The following HCN3 variants were observed in gnomAD, a reference collection of about 807,000 sequenced individuals.
The protein encoded by HCN3 is hyperpolarization activated cyclic nucleotide gated potassium channel 3.
HCN3 carries 36 observed loss-of-function variants against 56.8 expected under a neutral mutation model. That is an observed-to-expected ratio of 0.63 (90% CI 0.49 to 0.84). The LOEUF (loss-of-function observed/expected upper bound fraction) is 0.84. Ranked by LOEUF, HCN3 falls within the 40% of genes least tolerant of loss-of-function variation. The pLI, the probability that HCN3 is intolerant of heterozygous loss-of-function variation, is 0.00. For synonymous variants in HCN3, 425 were observed against 439.7 expected (o/e 0.97, Z 0.42); for missense variants, 930 against 1,079.3 (o/e 0.86, Z 1.94).
intron 7 of HCN3, 147 bp downstream of exon 7, chr1:155,287,484 G>A (rs1255883641): frequency 1.0e-6 from 1 of 957,278 alleles, no homozygotes; most frequent in East Asian, 2.6e-5. Context: ...TTTCAACACT[G>A]TGGCCCACTG....
rs777916843 is a variant in HCN3 at position 155,284,048 on chromosome 1, A to G, written c.783A>G (p.Leu261=). 6.8e-6 allele frequency: 11 copies of G among 1,614,130 alleles called. No individual in the cohort carries two copies. Among genetic ancestry groups the G allele is most frequent in the South Asian group, 1.1e-5 (1 of 91,078 alleles). Reference sequence around the variant, plus strand: ...ACCTCATTGGGATGATGCTGCTGCTATGTCACTGGGATGGCTGTCTGCAGT... The same window carrying G: ...ACCTCATTGGGATGATGCTGCTGCTGTGTCACTGGGATGGCTGTCTGCAGT... ...IFNLIGMMLL[L]CHWDGCLQFL... Residue 261 remains leucine, a synonymous_variant, in exon 3 of 8, where the codon CTA becomes CTG. Transcript: ENST00000368358. The surrounding 1 kb of genome is among the most constrained non-coding windows in gnomAD (Gnocchi z 4.3).
At position 155,285,286 on chromosome 1, in the gene HCN3, G is replaced by A. The variant is rs1674234387; in HGVS notation, c.1211G>A (p.Gly404Asp). The change falls in exon 5 of 8, where the codon GGC (glycine) becomes GAC (aspartate). Residue 404 changes from glycine (G) to aspartate (D), a missense_variant. Gly to Asp is a moderately conservative substitution (Grantham distance 94). Transcript: ENST00000368358. The surrounding 1 kb of genome is among the most constrained non-coding windows in gnomAD (Gnocchi z 4.5). Reference sequence around the variant, plus strand: ...ATGTTCGATGAGGAAAGCATCCTGGGCGAGCTGAGCGAGCCGCTTCGCGAG... The same window carrying A: ...ATGTTCGATGAGGAAAGCATCCTGGACGAGCTGAGCGAGCCGCTTCGCGAG... The part of the protein sequence containing the change: ...GKMFDEESIL[G>D]ELSEPLREEI... 6.3e-7 allele frequency: 1 copy of A among 1,591,974 alleles called. No individual in the cohort carries two copies. The highest frequency in any genetic ancestry group is 8.5e-7 in the Non-Finnish European group (1 of 1,169,866).
intron 1 of HCN3, among the ~76,000 whole-genome samples, chr1:155,279,166 A>G (rs1328501672): frequency 6.6e-6 from 1 of 152,178 alleles, no homozygotes; most frequent in African/African-American, 2.4e-5. Context: ...TTGATTTTGC[A>G]GTCCGAGTCA....
At chr1:155,280,000 G>T (rs1363675223) in intron 1 of HCN3, among the ~76,000 whole-genome samples, 1 of 151,918 alleles carries the variant, frequency 6.6e-6, no homozygotes, top group African/African-American at 2.4e-5. Context: ...AGGCTGGAGT[G>T]CAATGGCACA....
Position 155,288,672 on chromosome 1 carries a change from G to A in HCN3, c.*209G>A, listed in dbSNP as rs918976458. ...TTGTCCCATCATAATCCATTCACCC[G>A]TTCATCATGTGTACTGAGCAGCTAC... On this transcript the variant is annotated 3_prime_UTR_variant, in exon 8 of 8. Transcript: ENST00000368358. This position sits in a 1 kb window ranked among gnomAD's most constrained non-coding sequence, Gnocchi z 6.5. 2.2e-5 allele frequency: 14 copies of A among 629,794 alleles called. No individual in the cohort carries two copies. Among genetic ancestry groups the A allele is most frequent in the African/African-American group, 7.3e-5 (4 of 54,532 alleles). The allele number at this position is 629,794 out of a possible 1,614,324, so 39.0% of individuals were successfully genotyped here.
At chr1:155,278,332 A>C in intron 1 of HCN3, 1 of 162,136 alleles carries the variant, frequency 6.2e-6, no homozygotes, top group East Asian at 1.8e-4. Flanking sequence ...ATGACAGACT[A>C]CCAGGAAAAA....
Position 155,282,945 on chromosome 1 carries a change from C to T in HCN3, c.708+105C>T, listed in dbSNP as rs954375269. 2.6e-6 allele frequency: 3 copies of T among 1,171,490 alleles called. No individual in the cohort carries two copies. Among genetic ancestry groups the T allele is most frequent in the South Asian group, 2.9e-5 (2 of 68,182 alleles). The allele number at this position is 1,171,490 out of a possible 1,614,324, so 72.6% of individuals were successfully genotyped here. A position where few individuals can be genotyped will look rare whatever the true frequency, so the allele number is the denominator to read the frequency against. On this transcript the variant is annotated intron_variant, in intron 2 of 7. Transcript: ENST00000368358. The surrounding 1 kb of genome is among the most constrained non-coding windows in gnomAD (Gnocchi z 4.7). ...CTAGGAAGATGCTATGGGTGGGGCT[C>T]CTGGTGACCTTATAGTGTGGGGAAG...
intron 6 of HCN3, 52 bp downstream of exon 6, chr1:155,286,016 G>T (rs762968215): frequency 3.3e-6 from 5 of 1,530,874 alleles, no homozygotes; most frequent in Non-Finnish European, 4.4e-6. Flanking sequence ...AGTGGAGAGG[G>T]CAACTGCTCC....
In HCN3 at chr1:155,277,594, G is replaced by C. The variant is rs1262231580; in HGVS notation, c.4G>C (p.Glu2Gln). ...GCGTGTAAGCGGGGTGGGCGCCATGGAGGCAGAGCAGCGGCCGGCGGCGGG... is the reference window on the plus strand; with the variant it reads ...GCGTGTAAGCGGGGTGGGCGCCATGCAGGCAGAGCAGCGGCCGGCGGCGGG... MEAEQRPAAGAS... is the reference protein window; with the variant it reads MQAEQRPAAGAS... The change falls in exon 1 of 8, where the codon GAG becomes CAG. Residue 2 changes from glutamate to glutamine, a missense_variant. Transcript: ENST00000368358. The C allele has an allele frequency of 6.4e-7, 1 of 1,560,986 alleles. No individual in the cohort carries two copies. The highest frequency in any genetic ancestry group is 8.7e-7 in the Non-Finnish European group (1 of 1,154,200).
chr1:155,277,624 A>AG lies in HCN3; in HGVS notation c.35dup (p.Ser12ArgfsTer32). 6.4e-7 allele frequency: 1 copy of AG among 1,555,008 alleles called. No homozygotes were observed. The highest frequency in any genetic ancestry group is 8.7e-7 in the Non-Finnish European group (1 of 1,150,408). ...AGAGCAGCGGCCGGCGGCGGGGGCC[A>AG]GCGAAGGGGCGACCCCTGGACTGGA... is the stretch of plus-strand genomic sequence containing the variant. On this transcript the variant is annotated frameshift_variant, in exon 1 of 8. Coordinates refer to ENST00000368358, the MANE Select transcript of HCN3 (RefSeq NM_020897.3). LOFTEE classifies it high-confidence loss of function.
At position 155,285,991 on chromosome 1, in the gene HCN3, G is replaced by A; in HGVS notation, c.1477+27G>A. 6.4e-7 allele frequency: 1 copy of A among 1,555,868 alleles called. No homozygotes were observed. Among genetic ancestry groups the A allele is most frequent in the East Asian group, 2.3e-5 (1 of 44,254 alleles). On this transcript the variant is annotated intron_variant, in intron 6 of 7. Transcript: ENST00000368358. The surrounding 1 kb of genome is among the most constrained non-coding windows in gnomAD (Gnocchi z 4.5). ...TCAGCAGGCCTCAGGGAGGGTGGCA[G>A]GGTCACGAGCAGACAGTGGAGAGGG...
chr1:155,285,260 G>A lies in HCN3; in HGVS notation c.1185G>A (p.Lys395=). The A allele has an allele frequency of 6.2e-7, 1 of 1,613,164 alleles. No homozygotes were observed. The highest frequency in any genetic ancestry group is 1.1e-5 in the South Asian group (1 of 91,078). ...HEYYEHRYQG[K]MFDEESILGE... ...ACTATGAGCACCGCTACCAGGGCAA[G>A]ATGTTCGATGAGGAAAGCATCCTGG... The change falls in exon 5 of 8, where the codon AAG becomes AAA. Residue 395 remains lysine, a synonymous_variant. Transcript: ENST00000368358. This position sits in a 1 kb window ranked among gnomAD's most constrained non-coding sequence, Gnocchi z 4.5.
chr1:155,287,740 C>T (rs202118354), intron 7 of HCN3, 41 bp from the exon 8 acceptor site: 1 of 1,538,618 alleles, frequency 6.5e-7, no homozygotes, highest in African/African-American at 1.4e-5. Context: ...TCTTGGATTC[C>T]TTCCCTATCC....
rs747193196 is a variant in HCN3, at chr1:155,285,783, C to T, written c.1296C>T (p.Ala432=). 2.5e-5 allele frequency: 41 copies of T among 1,614,066 alleles called. No homozygotes were observed. Among genetic ancestry groups the T allele is most frequent in the Admixed American group, 6.7e-5 (4 of 60,006 alleles). ...CCCACATGCCGCTGTTTGCCCATGCCGACCCCAGCTTCGTCACTGCAGTTC... is the reference window on the plus strand; with the variant it reads ...CCCACATGCCGCTGTTTGCCCATGCTGACCCCAGCTTCGTCACTGCAGTTC... ...LVAHMPLFAH[A]DPSFVTAVLT... Residue 432 remains alanine, a synonymous_variant, in exon 6 of 8, where the codon GCC becomes GCT. Coordinates refer to ENST00000368358, the MANE Select transcript of HCN3 (RefSeq NM_020897.3). This position sits in a 1 kb window ranked among gnomAD's most constrained non-coding sequence, Gnocchi z 4.5.
At position 155,287,776 on chromosome 1, in the gene HCN3, T is replaced by C; in HGVS notation, c.1643-5T>C. 1 of 1,567,326 alleles carries C rather than the reference T, an allele frequency of 6.4e-7. No homozygotes were observed. Among genetic ancestry groups the C allele is most frequent in the East Asian group, 2.3e-5 (1 of 44,376 alleles). ...TTAACTTCTCCCTCCCGGTACAACT[T>C]CTAGGCAAGAAGAATTCCATACTGC... On this transcript the variant is annotated splice_polypyrimidine_tract_variant and splice_region_variant and intron_variant, in intron 7 of 7. Coordinates refer to ENST00000368358, the MANE Select transcript of HCN3 (RefSeq NM_020897.3).
rs758765081 is a variant in HCN3, at chr1:155,287,317, T to C, written c.1622T>C (p.Met541Thr). 5.0e-6 allele frequency: 8 copies of C among 1,614,002 alleles called. No individual in the cohort carries two copies. The highest frequency in any genetic ancestry group is 6.8e-6 in the Non-Finnish European group (8 of 1,179,918). The change falls in exon 7 of 8, where the codon ATG (methionine) becomes ACG (threonine). Residue 541 changes from methionine (M) to threonine (T), a missense_variant. By Grantham distance (81) the Met-to-Thr change is moderately conservative (BLOSUM62 -1). Transcript: ENST00000368358. ...MMRRAFETVA[M>T]DRLLRIGKKN... Reference sequence around the variant, plus strand: ...CGCCGGGCCTTTGAGACTGTGGCCATGGATCGGCTGCTCCGCATCGGTGAG... The same window carrying C: ...CGCCGGGCCTTTGAGACTGTGGCCACGGATCGGCTGCTCCGCATCGGTGAG...
In HCN3 at chr1:155,282,625, C is replaced by T. The variant is rs748591685; in HGVS notation, c.493C>T (p.Arg165Cys). 10 of 1,614,128 alleles carry T rather than the reference C, an allele frequency of 6.2e-6. No homozygotes were observed. Among genetic ancestry groups the T allele is most frequent in the Middle Eastern group, 1.6e-4 (1 of 6,084 alleles). The part of the protein sequence containing the change: ...AEILLAPRAI[R>C]TRYLRTWFLV... ...GATCCTGCTGGCACCGCGGGCCATCCGCACGCGCTACCTGCGCACCTGGTT... is the reference window on the plus strand; with the variant it reads ...GATCCTGCTGGCACCGCGGGCCATCTGCACGCGCTACCTGCGCACCTGGTT... The change falls in exon 2 of 8, where the codon CGC becomes TGC. Residue 165 changes from arginine (R) to cysteine (C), a missense_variant. By Grantham distance (180) the Arg-to-Cys change is radical. Coordinates refer to ENST00000368358, the MANE Select transcript of HCN3 (RefSeq NM_020897.3). The surrounding 1 kb of genome is among the most constrained non-coding windows in gnomAD (Gnocchi z 4.7).
At position 155,277,854 on chromosome 1, in the gene HCN3, C is replaced by T. The variant is rs753075187; in HGVS notation, c.264C>T (p.Pro88=). 2.5e-6 allele frequency: 4 copies of T among 1,611,998 alleles called. No homozygotes were observed. The East Asian group carries it at 8.9e-5, about 36-fold the overall frequency. The change falls in exon 1 of 8, where the codon CCC becomes CCT. Residue 88 remains proline (P), a synonymous_variant. Coordinates refer to ENST00000368358, the MANE Select transcript of HCN3 (RefSeq NM_020897.3). The part of the protein sequence containing the change: ...VKSAGAWIIH[P]YSDFRFYWDL... ...CAGCGGGGGCCTGGATCATCCACCCCTACAGCGACTTCCGGTATTGGGGGC... is the reference window on the plus strand; with the variant it reads ...CAGCGGGGGCCTGGATCATCCACCCTTACAGCGACTTCCGGTATTGGGGGC...
rs1674414796 is a variant in HCN3 at position 155,288,898 on chromosome 1, A to T, written c.*435A>T. On this transcript the variant is annotated 3_prime_UTR_variant, in exon 8 of 8. Transcript: ENST00000368358. The surrounding 1 kb of genome is among the most constrained non-coding windows in gnomAD (Gnocchi z 6.5). ...AGATGTCTCTGTTTCCCTGCCAATG[A>T]TCCTGCAGGTTCTGCCCGGTCTGGT... is the stretch of plus-strand genomic sequence containing the variant. The T allele has an allele frequency of 5.9e-6, 1 of 168,886 alleles. No homozygotes were observed. The highest frequency in any genetic ancestry group is 5.8e-5 in the Admixed American group (1 of 17,234). The allele number at this position is 168,886 out of a possible 1,614,324, so 10.5% of individuals were successfully genotyped here.
Sources: allele counts gnomAD v4.1 joint callset (sites outside exome capture counted in the v4.1 genomes callset), GRCh38; gene constraint gnomAD v4.1.1; non-coding constraint Gnocchi (gnomAD v3.1); transcripts MANE v1.5; gene names NCBI Gene and HGNC (gene_info 2026-07-23, HGNC 2026-07-21).